Variants in EXT1 observed in about 807,000 individuals in gnomAD.
EXT1 encodes exostosin glycosyltransferase 1, also known as exostosin-1.
In EXT1, 20 loss-of-function variants were observed where a neutral mutation model predicts 82.5. That is an observed-to-expected ratio of 0.24 (90% CI 0.17 to 0.35). The LOEUF (loss-of-function observed/expected upper bound fraction) is 0.35, where lower values mean the gene tolerates loss of function less well. Ranked by LOEUF, EXT1 falls within the 10% of genes least tolerant of loss-of-function variation. EXT1 has a pLI of 1.00. For missense variants in EXT1, 757 were observed against 936.5 expected (o/e 0.81, Z 2.50); for synonymous variants, 348 against 350.8 (o/e 0.99, Z 0.09).
intron 1 of EXT1, among the ~76,000 whole-genome samples, chr8:118,064,130 C>T (rs186923217): frequency 5.8e-4 from 88 of 152,276 alleles, no homozygotes; most frequent in African/African-American, 1.9e-3. Context: ...TCTGAAAGTA[C>T]TGGGATTACA....
chr8:118,076,992 C>G (rs1414365058), intron 1 of EXT1, among the ~76,000 whole-genome samples: 1 of 152,008 alleles, frequency 6.6e-6, no homozygotes, highest in Admixed American at 6.5e-5. Context: ...AATCTCCAGA[C>G]AGAATTTTCA....
chr8:117,889,096 T>C (rs1813198591), intron 1 of EXT1, among the ~76,000 whole-genome samples: 1 of 152,178 alleles, frequency 6.6e-6, no homozygotes, highest in South Asian at 2.1e-4. Context: ...TGAGATGGAA[T>C]GCAGTTGTGA....
chr8:118,045,445 T>C (rs1378824554), intron 1 of EXT1, among the ~76,000 whole-genome samples: 1 of 152,112 alleles, frequency 6.6e-6, no homozygotes, highest in Non-Finnish European at 1.5e-5. Flanking sequence ...CTCAAACCAG[T>C]AAAAGTTAGA....
chr8:118,027,419 T>C (rs1735113913), intron 1 of EXT1, among the ~76,000 whole-genome samples: 1 of 151,676 alleles, frequency 6.6e-6, no homozygotes, highest in African/African-American at 2.4e-5. Context: ...TGGAAGAAAC[T>C]GAGGCTCAAT....
chr8:118,094,069 G>T (rs17431791), intron 1 of EXT1, among the ~76,000 whole-genome samples: 3,454 of 152,254 alleles, frequency 0.023, 68 homozygotes, highest in Middle Eastern at 0.086. Flanking sequence ...TCTCTATCTC[G>T]CACAGGTTTA....
intron 1 of EXT1, among the ~76,000 whole-genome samples, chr8:117,991,821 C>T (rs1214243337): frequency 6.6e-6 from 1 of 152,186 alleles, no homozygotes; most frequent in African/African-American, 2.4e-5. Flanking sequence ...CTCGGCCTCC[C>T]AAAGTGCTGG....
intron 1 of EXT1, among the ~76,000 whole-genome samples, chr8:118,012,467 C>T (rs1815920795): frequency 6.6e-6 from 1 of 152,212 alleles, no homozygotes; most frequent in Non-Finnish European, 1.5e-5. Flanking sequence ...CTCCCCAAGC[C>T]AAAGAGCAGA....
chr8:118,031,804 C>T (rs1290396188), intron 1 of EXT1, among the ~76,000 whole-genome samples: 2 of 151,994 alleles, frequency 1.3e-5, no homozygotes, highest in Non-Finnish European at 2.9e-5. Context: ...TGACCTTTAA[C>T]GCCTCCTTAT....
chr8:117,837,274 G>A (rs1210144274), intron 1 of EXT1, 73 bp from the exon 2 acceptor site: 24 of 1,250,044 alleles, frequency 1.9e-5, no homozygotes, highest in South Asian at 1.8e-4. Context: ...ATAGGTGGGC[G>A]CCCATGTGCA....
At chr8:117,951,533 T>G (rs1049923289) in intron 1 of EXT1, among the ~76,000 whole-genome samples, 2 of 152,250 alleles carry the variant, frequency 1.3e-5, no homozygotes, top group African/African-American at 4.8e-5. Context: ...GTCATGGCTC[T>G]GCCTTCATGG....
intron 1 of EXT1, among the ~76,000 whole-genome samples, chr8:118,093,835 A>G (rs1391060138): frequency 6.6e-6 from 1 of 152,224 alleles, no homozygotes; most frequent in Non-Finnish European, 1.5e-5. Flanking sequence ...ATAGGCATAC[A>G]CTGTTTAAAC....
intron 1 of EXT1, among the ~76,000 whole-genome samples, chr8:117,965,036 AT>A (rs1259420698): frequency 6.6e-6 from 1 of 152,206 alleles, no homozygotes; most frequent in Non-Finnish European, 1.5e-5. Context: ...GAAAAAATGA[AT>A]ACATAAAAAT....
intron 1 of EXT1, among the ~76,000 whole-genome samples, chr8:118,035,138 G>T (rs942513892): frequency 6.6e-6 from 1 of 152,118 alleles, no homozygotes; most frequent in African/African-American, 2.4e-5. Context: ...GACATTTTTT[G>T]AATATCAAGC....
chr8:118,064,852 AT>A (rs35880608), intron 1 of EXT1, among the ~76,000 whole-genome samples: 20,256 of 122,984 alleles, frequency 0.16, 1,489 homozygotes, highest in East Asian at 0.41. Context: ...TGTTTCCTGA[AT>A]TTTTTTTTTT....
chr8:117,910,489 C>T (rs1404957588), intron 1 of EXT1, among the ~76,000 whole-genome samples: 1 of 152,124 alleles, frequency 6.6e-6, no homozygotes, highest in Non-Finnish European at 1.5e-5. Flanking sequence ...GAAAACACAT[C>T]TAGTTTTGCT....
intron 1 of EXT1, among the ~76,000 whole-genome samples, chr8:117,942,367 T>G (rs1814300258): frequency 2.0e-5 from 3 of 152,200 alleles, no homozygotes; most frequent in Non-Finnish European, 4.4e-5. Flanking sequence ...GGCCCCTGTC[T>G]TTATACCCCC....
At position 117,841,646 on chromosome 8, in the gene EXT1, G is replaced by A. The variant is rs569396481; in HGVS notation, c.963-4445C>T. On this transcript the variant is annotated intron_variant, in intron 1 of 10. Coordinates refer to ENST00000378204, the MANE Select transcript of EXT1 (RefSeq NM_000127.3). ...TTCAGATGGGCATTAAGTTCCCCACGTGTAGGTAAAGAAGGACAAAAGGTA... is the reference window on the plus strand; with the variant it reads ...TTCAGATGGGCATTAAGTTCCCCACATGTAGGTAAAGAAGGACAAAAGGTA... Among the ~76,000 whole-genome samples the A allele has an allele frequency of 2.0e-5, 3 of 152,222 alleles. No homozygotes were observed. In the South Asian group the frequency reaches 6.2e-4, roughly 32 times the overall value.
chr8:117,902,508 A>G (rs1304172459), intron 1 of EXT1, among the ~76,000 whole-genome samples: 2 of 152,188 alleles, frequency 1.3e-5, no homozygotes, highest in African/African-American at 4.8e-5. Flanking sequence ...GCTAATAGGA[A>G]TTTCTCAGTT....
chr8:117,809,283 A>G (rs1440180727), intron 8 of EXT1, among the ~76,000 whole-genome samples: 1 of 142,762 alleles, frequency 7.0e-6, no homozygotes, highest in Non-Finnish European at 1.5e-5. Context: ...AAATCCTAAT[A>G]CACTGCCCTA....
Sources: gnomAD v4.1 joint callset for allele counts (sites outside exome capture counted in the v4.1 genomes callset) on GRCh38, gnomAD v4.1.1 for gene constraint, MANE v1.5 for transcripts, NCBI Gene and HGNC (gene_info 2026-07-23, HGNC 2026-07-21) for gene names.